LGSN: variants seen among roughly 807,000 people sequenced by gnomAD.
LGSN encodes the protein lengsin.
A neutral mutation model predicts 19.5 loss-of-function variants in LGSN; 21 were observed. The observed-to-expected ratio is 1.07, with a 90% CI of 0.76 to 1.55. The LOEUF (loss-of-function observed/expected upper bound fraction) is 1.55. Among genes scored for constraint, LGSN ranks in the 40% most tolerant of loss-of-function variants. The probability of loss-of-function intolerance (pLI) is 0.00; values close to 1 mark genes in which losing one functional copy is unlikely to be tolerated. For synonymous variants in LGSN, 257 were observed against 215.6 expected (o/e 1.19, Z -1.68); for missense variants, 673 against 608.5 (o/e 1.11, Z -1.12).
At chr6:63,567,956 C>A in the LGSN span, among the ~76,000 whole-genome samples, 1 of 152,232 alleles carries the variant, frequency 6.6e-6, no homozygotes, top group East Asian at 1.9e-4. Context: ...TATCTTCAGA[C>A]TTTTCTTCTA....
At chr6:63,365,569 C>A in the LGSN span, among the ~76,000 whole-genome samples, 1 of 152,028 alleles carries the variant, frequency 6.6e-6, no homozygotes, top group Non-Finnish European at 1.5e-5. Context: ...AAGATGGAAT[C>A]CTCCCTAATT....
the LGSN span, among the ~76,000 whole-genome samples, chr6:63,568,312 C>T: frequency 6.6e-6 from 1 of 152,328 alleles, no homozygotes; most frequent in Middle Eastern, 3.4e-3. Context: ...TTCACTTGAA[C>T]ACTCAGAGGC....
At chr6:63,347,019 T>C in the LGSN span, among the ~76,000 whole-genome samples, 4 of 152,276 alleles carry the variant, frequency 2.6e-5, no homozygotes, top group Admixed American at 2.6e-4. Flanking sequence ...TCCATTCAGA[T>C]GCCCACCAAA....
chr6:63,509,812 T>C, the LGSN span, among the ~76,000 whole-genome samples: 1 of 152,242 alleles, frequency 6.6e-6, no homozygotes, highest in Non-Finnish European at 1.5e-5. Context: ...ATAGGCTAGC[T>C]GACTTGGCCA....
At chr6:63,432,088 GGAAAGAAAGAAAGAAAGAAAGAAAGAAA>G in the LGSN span, among the ~76,000 whole-genome samples, 428 of 44,738 alleles carry the variant, frequency 9.6e-3, 5 homozygotes, top group South Asian at 0.012. Flanking sequence ...AGAAAAAGAA[GGAAAGAAAGAAAGAAAGAAAGAAAGAAA>G]GAAAGAAAGA....
At chr6:63,338,068 T>C in the LGSN span, among the ~76,000 whole-genome samples, 2 of 151,952 alleles carry the variant, frequency 1.3e-5, no homozygotes, top group Non-Finnish European at 2.9e-5. Flanking sequence ...GTATTTTTAG[T>C]AGAGACAAGG....
chr6:63,379,285 G>C, the LGSN span, among the ~76,000 whole-genome samples: 1 of 152,124 alleles, frequency 6.6e-6, no homozygotes, highest in East Asian at 1.9e-4. Context: ...AGAACCAAGA[G>C]AAGGGGATAC....
chr6:63,466,125 C>G, the LGSN span, among the ~76,000 whole-genome samples: 16 of 152,350 alleles, frequency 1.1e-4, no homozygotes, highest in African/African-American at 3.8e-4. Context: ...GTCTTGAACT[C>G]CTGGCCTCAA....
the LGSN span, among the ~76,000 whole-genome samples, chr6:63,500,840 G>A: frequency 6.6e-6 from 1 of 151,954 alleles, no homozygotes; most frequent in Non-Finnish European, 1.5e-5. Flanking sequence ...TGATTCTCCT[G>A]CCTTAGCCTA....
chr6:63,423,854 G>A, the LGSN span, among the ~76,000 whole-genome samples: 58 of 151,956 alleles, frequency 3.8e-4, no homozygotes, highest in East Asian at 9.1e-3. Context: ...CCTGGCCAAC[G>A]TGGTGAAACC....
At chr6:63,305,760 A>G (rs1768358757) in intron 1 of LGSN, among the ~76,000 whole-genome samples, 1 of 152,024 alleles carries the variant, frequency 6.6e-6, no homozygotes, top group Admixed American at 6.6e-5. Flanking sequence ...ATTTGCCTAA[A>G]GTCTTTTAAA....
the LGSN span, among the ~76,000 whole-genome samples, chr6:63,496,321 A>T: frequency 6.6e-6 from 1 of 152,198 alleles, no homozygotes; most frequent in South Asian, 2.1e-4. Flanking sequence ...GACCTTACTG[A>T]TGGCAGACTA....
the LGSN span, among the ~76,000 whole-genome samples, chr6:63,491,951 C>A: frequency 1.3e-5 from 2 of 151,952 alleles, no homozygotes; most frequent in South Asian, 4.1e-4. Flanking sequence ...ATCGCTTGAA[C>A]CCGGGAGGCG....
the LGSN span, among the ~76,000 whole-genome samples, chr6:63,548,258 A>T: frequency 6.6e-6 from 1 of 152,204 alleles, no homozygotes; most frequent in Non-Finnish European, 1.5e-5. Flanking sequence ...ATCCAGATTC[A>T]AATTATTTGT....
At chr6:63,564,659 C>A in the LGSN span, among the ~76,000 whole-genome samples, 1 of 152,162 alleles carries the variant, frequency 6.6e-6, no homozygotes, top group East Asian at 1.9e-4. Flanking sequence ...ATACTCCATT[C>A]CCTTTCTCTA....
chr6:63,412,107 C>G, the LGSN span, among the ~76,000 whole-genome samples: 2 of 152,016 alleles, frequency 1.3e-5, no homozygotes, highest in Non-Finnish European at 2.9e-5. Context: ...TGGCTTACGC[C>G]TGTAATCCCA....
At chr6:63,368,107 AAAG>A in the LGSN span, among the ~76,000 whole-genome samples, 1 of 149,350 alleles carries the variant, frequency 6.7e-6, no homozygotes, top group Non-Finnish European at 1.5e-5. Flanking sequence ...AAAAAGAAAA[AAAG>A]AAGCCAGAAA....
the LGSN span, among the ~76,000 whole-genome samples, chr6:63,556,415 A>G: frequency 6.6e-6 from 1 of 152,024 alleles, no homozygotes; most frequent in East Asian, 1.9e-4. Flanking sequence ...TCCTGGGCTC[A>G]AGTGATCCTT....
the LGSN span, among the ~76,000 whole-genome samples, chr6:63,376,089 A>G: frequency 6.6e-6 from 1 of 152,148 alleles, no homozygotes; most frequent in Admixed American, 6.5e-5. Flanking sequence ...TCTCCACGAT[A>G]TATGATTCTT....
Sources: allele counts gnomAD v4.1 joint callset (sites outside exome capture counted in the v4.1 genomes callset), GRCh38; gene constraint gnomAD v4.1.1; transcripts MANE v1.5; gene names NCBI Gene and HGNC (gene_info 2026-07-23, HGNC 2026-07-21).